MCTP1: variants seen among roughly 807,000 people sequenced by gnomAD.
The protein encoded by MCTP1 is multiple C2 and transmembrane domain containing 1, also known as multiple C2 and transmembrane domain-containing protein 1.
MCTP1 carries 69 observed loss-of-function variants against 120.6 expected under a neutral mutation model. That is an observed-to-expected ratio of 0.57 (90% CI 0.47 to 0.70). The LOEUF (loss-of-function observed/expected upper bound fraction) is 0.70, where lower values mean the gene tolerates loss of function less well. Among genes scored for constraint, MCTP1 ranks in the 30% least tolerant of loss-of-function variants. The pLI is 0.00. For synonymous variants in MCTP1, 529 were observed against 493.1 expected (o/e 1.07, Z -0.96); for missense variants, 1,203 against 1,248.8 (o/e 0.96, Z 0.55).
At chr5:94,852,868 A>G (rs1794017143) in intron 17 of MCTP1, among the ~76,000 whole-genome samples, 1 of 151,978 alleles carries the variant, frequency 6.6e-6, no homozygotes, top group South Asian at 2.1e-4. Context: ...ACATACTTTC[A>G]GAAAATGCCA....
At chr5:94,989,883 G>A (rs1831191398) in intron 2 of MCTP1, among the ~76,000 whole-genome samples, 1 of 152,160 alleles carries the variant, frequency 6.6e-6, no homozygotes, top group Non-Finnish European at 1.5e-5. Flanking sequence ...ACACACTGAT[G>A]TGCTGGAAGG....
At chr5:94,946,319 T>C (rs1238667383) in intron 3 of MCTP1, among the ~76,000 whole-genome samples, 1 of 152,078 alleles carries the variant, frequency 6.6e-6, no homozygotes, top group Non-Finnish European at 1.5e-5. Context: ...ACTGAATCCG[T>C]TCCAGATGGG....
intron 2 of MCTP1, among the ~76,000 whole-genome samples, chr5:94,988,094 G>A (rs1453882088): frequency 1.3e-5 from 2 of 152,150 alleles, no homozygotes; most frequent in Admixed American, 1.3e-4. Context: ...CAGCAATGAT[G>A]TCTTCCAAGG....
rs557087091 is a variant in MCTP1, at chr5:95,028,210, A to G, written c.721-10726T>C. ...AGAGTGAAAGGGAGTGCTATTAATA[A>G]TGATACGGTAGAAACAGGTAGAAAC... On this transcript the variant is annotated intron_variant, in intron 1 of 22. Coordinates refer to ENST00000515393, the MANE Select transcript of MCTP1 (RefSeq NM_024717.7). Among the ~76,000 whole-genome samples, 34 of 152,344 alleles carry G rather than the reference A, an allele frequency of 2.2e-4. No homozygotes were observed. In the South Asian group the frequency reaches 5.2e-3, roughly 23 times the overall value.
intron 12 of MCTP1, among the ~76,000 whole-genome samples, chr5:94,887,457 T>G (rs906844870): frequency 1.3e-5 from 2 of 152,192 alleles, no homozygotes; most frequent in African/African-American, 4.8e-5. Flanking sequence ...TATCCAATTA[T>G]ATAATGGGCA....
chr5:94,819,581 G>C (rs529703971), intron 17 of MCTP1, among the ~76,000 whole-genome samples: 1 of 152,296 alleles, frequency 6.6e-6, no homozygotes, highest in East Asian at 1.9e-4. Context: ...CTTTGCAGAA[G>C]TGTTCATCTA....
intron 17 of MCTP1, chr5:94,826,552 C>T: frequency 1.4e-6 from 1 of 721,206 alleles, no homozygotes; most frequent in Non-Finnish European, 2.5e-6. Context: ...TTCATAGAAG[C>T]TTCCTCCTTC....
intron 1 of MCTP1, among the ~76,000 whole-genome samples, chr5:95,164,306 A>G (rs921721581): frequency 3.3e-5 from 5 of 152,108 alleles, no homozygotes; most frequent in African/African-American, 1.2e-4. Flanking sequence ...ACATCAAAAA[A>G]AAAGGTTTAC....
At chr5:95,186,582 TAACTCTCCC>T (rs922560166) in intron 1 of MCTP1, among the ~76,000 whole-genome samples, 2 of 152,186 alleles carry the variant, frequency 1.3e-5, no homozygotes, top group African/African-American at 4.8e-5. Context: ...GTGAAGTGGT[TAACTCTCCC>T]CAAGTTGACA....
chr5:94,721,400 A>G (rs1760855258), intron 19 of MCTP1, among the ~76,000 whole-genome samples: 1 of 152,138 alleles, frequency 6.6e-6, no homozygotes, highest in African/African-American at 2.4e-5. Flanking sequence ...TTGGCTAAGG[A>G]TTTTTAAATA....
At chr5:94,743,839 C>T (rs1766217911) in intron 19 of MCTP1, among the ~76,000 whole-genome samples, 1 of 151,632 alleles carries the variant, frequency 6.6e-6, no homozygotes, top group African/African-American at 2.4e-5. Flanking sequence ...CGGGGTTTCA[C>T]CATGTTAGCC....
chr5:95,127,602 T>C (rs1758732075), intron 1 of MCTP1, among the ~76,000 whole-genome samples: 1 of 151,810 alleles, frequency 6.6e-6, no homozygotes, highest in Non-Finnish European at 1.5e-5. Flanking sequence ...ACAGAGGAGG[T>C]GGACTGACCC....
At chr5:95,144,075 CTTT>C (rs1431295813) in intron 1 of MCTP1, among the ~76,000 whole-genome samples, 1 of 151,976 alleles carries the variant, frequency 6.6e-6, no homozygotes, top group Non-Finnish European at 1.5e-5. Context: ...CATCTACTAT[CTTT>C]TGACTTTTTA....
chr5:95,026,606 G>A (rs897736089), intron 1 of MCTP1, among the ~76,000 whole-genome samples: 3 of 152,080 alleles, frequency 2.0e-5, no homozygotes, highest in Non-Finnish European at 2.9e-5. Flanking sequence ...CCATTTTGTT[G>A]CAAATCACAG....
In MCTP1 at chr5:94,942,492, T is replaced by A. The variant is rs868809940; in HGVS notation, c.982-65A>T. 4.1e-5 allele frequency: 48 copies of A among 1,161,530 alleles called. No individual in the cohort carries two copies. The African/African-American group carries it at 4.7e-4, about 11-fold the overall frequency. The allele number at this position is 1,161,530 out of a possible 1,614,324, so 72.0% of individuals were successfully genotyped here. The stretch of plus-strand genomic sequence containing the variant: ...CCAATATAAGCTTTATGTGATAATG[T>A]CTTGGTCATAAAATGTTGGTTGTCT... On this transcript the variant is annotated intron_variant, in intron 3 of 22. Transcript: ENST00000515393.
At chr5:95,048,180 T>G (rs1745035285) in intron 1 of MCTP1, among the ~76,000 whole-genome samples, 1 of 152,236 alleles carries the variant, frequency 6.6e-6, no homozygotes, top group Non-Finnish European at 1.5e-5. Flanking sequence ...AGTCAGAATG[T>G]AATTTACTGA....
At chr5:95,029,014 C>T (rs1839807677) in intron 1 of MCTP1, among the ~76,000 whole-genome samples, 1 of 151,978 alleles carries the variant, frequency 6.6e-6, no homozygotes, top group Non-Finnish European at 1.5e-5. Flanking sequence ...CAAAAATTAG[C>T]CAGGTGTGGT....
intron 1 of MCTP1, among the ~76,000 whole-genome samples, chr5:95,060,694 G>T (rs79364303): frequency 0.066 from 10,071 of 152,088 alleles, 712 homozygotes; most frequent in East Asian, 0.34. Flanking sequence ...GAATCTGGCC[G>T]GGCACGGTGG....
chr5:95,089,665 C>T (rs1214818135), intron 1 of MCTP1, among the ~76,000 whole-genome samples: 1 of 152,144 alleles, frequency 6.6e-6, no homozygotes, highest in Non-Finnish European at 1.5e-5. Context: ...TAACTTAAAC[C>T]TGAATCCAGA....
Sources: gnomAD v4.1 joint callset for allele counts (sites outside exome capture counted in the v4.1 genomes callset) on GRCh38, gnomAD v4.1.1 for gene constraint, MANE v1.5 for transcripts, NCBI Gene and HGNC (gene_info 2026-07-23, HGNC 2026-07-21) for gene names.